LRRC4C: variants seen among roughly 807,000 people sequenced by gnomAD.
LRRC4C encodes the protein leucine rich repeat containing 4C, also known as leucine-rich repeat-containing protein 4C.
A neutral mutation model predicts 33.6 loss-of-function variants in LRRC4C; 5 were observed. The observed-to-expected ratio is 0.15, with a 90% CI of 0.08 to 0.31. LRRC4C has a LOEUF of 0.31. LRRC4C is among the 10% of genes least tolerant of loss of function. The probability of loss-of-function intolerance (pLI) is 1.00; values close to 1 mark genes in which losing one functional copy is unlikely to be tolerated. For missense variants in LRRC4C, 560 were observed against 796.7 expected (o/e 0.70, Z 3.58); for synonymous variants, 329 against 302.0 (o/e 1.09, Z -0.93).
chr11:41,344,976 T>A (rs200853399), intron 1 of LRRC4C, among the ~76,000 whole-genome samples: 1 of 80,708 alleles, frequency 1.2e-5, no homozygotes, highest in Non-Finnish European at 2.9e-5. Flanking sequence ...TTATTAACTG[T>A]TTTTTTTTCC....
At chr11:41,417,858 T>C (rs921998846) in intron 1 of LRRC4C, among the ~76,000 whole-genome samples, 1 of 151,792 alleles carries the variant, frequency 6.6e-6, no homozygotes, top group African/African-American at 2.4e-5. Context: ...TTTCTATTCA[T>C]TGCTGTTGCT....
chr11:40,878,651 C>G (rs1192942625), intron 2 of LRRC4C, among the ~76,000 whole-genome samples: 1 of 152,178 alleles, frequency 6.6e-6, no homozygotes, highest in African/African-American at 2.4e-5. Context: ...ACTGTGCAGC[C>G]TGGTGTTTTG....
At chr11:41,100,300 C>T (rs968809551) in intron 1 of LRRC4C, among the ~76,000 whole-genome samples, 1 of 151,996 alleles carries the variant, frequency 6.6e-6, no homozygotes, top group Non-Finnish European at 1.5e-5. Flanking sequence ...GGTGCGGTGG[C>T]TCACGACTGT....
chr11:40,503,098 G>A (rs1397870076), intron 3 of LRRC4C, among the ~76,000 whole-genome samples: 1 of 152,062 alleles, frequency 6.6e-6, no homozygotes, highest in Non-Finnish European at 1.5e-5. Context: ...GCAGCGCATG[G>A]CTACTATACT....
At chr11:40,874,610 G>A (rs1476003356) in intron 2 of LRRC4C, among the ~76,000 whole-genome samples, 2 of 152,146 alleles carry the variant, frequency 1.3e-5, no homozygotes, top group African/African-American at 2.4e-5. Context: ...CTGCAACTGT[G>A]GAGGAAATAC....
intron 2 of LRRC4C, among the ~76,000 whole-genome samples, chr11:40,926,510 A>T (rs1049090895): frequency 6.6e-6 from 1 of 152,216 alleles, no homozygotes; most frequent in Non-Finnish European, 1.5e-5. Context: ...CTTGATAAAA[A>T]CTTTCTAAAT....
chr11:40,283,603 A>G (rs1447354577), intron 4 of LRRC4C, among the ~76,000 whole-genome samples: 1 of 149,864 alleles, frequency 6.7e-6, no homozygotes, highest in African/African-American at 2.5e-5. Context: ...CCACTCATTT[A>G]TTAGTTCTCC....
At chr11:41,035,447 T>C (rs1857007929) in intron 1 of LRRC4C, among the ~76,000 whole-genome samples, 1 of 152,106 alleles carries the variant, frequency 6.6e-6, no homozygotes, top group South Asian at 2.1e-4. Flanking sequence ...GTTCTCATTG[T>C]TCAACTCCCA....
At chr11:40,886,190 G>T (rs1955444849) in intron 2 of LRRC4C, among the ~76,000 whole-genome samples, 1 of 151,810 alleles carries the variant, frequency 6.6e-6, no homozygotes, top group Non-Finnish European at 1.5e-5. Flanking sequence ...GTCAAATATT[G>T]ATTTTACTTG....
At chr11:40,410,151 T>A in intron 3 of LRRC4C, among the ~76,000 whole-genome samples, 1 of 151,708 alleles carries the variant, frequency 6.6e-6, no homozygotes, top group East Asian at 1.9e-4. Flanking sequence ...AAAAAAAAAA[T>A]TGCTGACCAT....
intron 1 of LRRC4C, among the ~76,000 whole-genome samples, chr11:41,369,583 A>T (rs1487712416): frequency 1.3e-5 from 2 of 152,162 alleles, no homozygotes; most frequent in African/African-American, 4.8e-5. Flanking sequence ...AGATGAGAGC[A>T]TGAGCTGAAG....
chr11:41,136,071 A>G (rs1724363840), intron 1 of LRRC4C, among the ~76,000 whole-genome samples: 1 of 152,142 alleles, frequency 6.6e-6, no homozygotes, highest in Non-Finnish European at 1.5e-5. Flanking sequence ...TCAAAAAAAC[A>G]CTTTCAGAGT....
At chr11:40,692,883 C>T (rs1338464651) in intron 2 of LRRC4C, among the ~76,000 whole-genome samples, 1 of 151,940 alleles carries the variant, frequency 6.6e-6, no homozygotes, top group Non-Finnish European at 1.5e-5. Flanking sequence ...TCTATGAACC[C>T]TACACATAAA....
chr11:40,854,726 T>C (rs977378908), intron 2 of LRRC4C, among the ~76,000 whole-genome samples: 2 of 150,998 alleles, frequency 1.3e-5, no homozygotes, highest in Admixed American at 1.3e-4. Context: ...TATTAATATA[T>C]ATATTTTATG....
rs544714841 is a variant in LRRC4C, at chr11:41,285,903, C to T, written c.-496+173528G>A. On this transcript the variant is annotated intron_variant, in intron 1 of 6. Coordinates refer to ENST00000528697, the MANE Select transcript of LRRC4C (RefSeq NM_001258419.2). ...GGAGCGCAGTGGCATGATCTCGGCT[C>T]ATTGCAACCTCCGCCTCCCAGGTTC... 3.0e-4 allele frequency among the ~76,000 whole-genome samples: 45 copies of T among 152,242 alleles called. No homozygotes were observed. The South Asian group carries it at 9.1e-3, about 31-fold the overall frequency.
chr11:41,196,190 A>G (rs566923513), intron 1 of LRRC4C, among the ~76,000 whole-genome samples: 1 of 152,198 alleles, frequency 6.6e-6, no homozygotes, highest in Admixed American at 6.5e-5. Flanking sequence ...ATCTAAAGAC[A>G]TTCTCCCTCA....
chr11:40,624,129 A>G (rs1008713984), intron 3 of LRRC4C, among the ~76,000 whole-genome samples: 1 of 151,982 alleles, frequency 6.6e-6, no homozygotes, highest in Non-Finnish European at 1.5e-5. Context: ...GTTGGGTGCT[A>G]TTCTGTTTGG....
At chr11:40,587,168 T>C (rs1336817348) in intron 3 of LRRC4C, among the ~76,000 whole-genome samples, 1 of 152,088 alleles carries the variant, frequency 6.6e-6, no homozygotes, top group African/African-American at 2.4e-5. Context: ...TGGATTGTAG[T>C]TCTCCTTGAA....
intron 3 of LRRC4C, among the ~76,000 whole-genome samples, chr11:40,404,615 C>T (rs1160463151): frequency 6.6e-6 from 1 of 151,926 alleles, no homozygotes; most frequent in Non-Finnish European, 1.5e-5. Context: ...TTCTTTTTTG[C>T]AAGAGCCTCC....
Sources: allele counts gnomAD v4.1 joint callset (sites outside exome capture counted in the v4.1 genomes callset), GRCh38; gene constraint gnomAD v4.1.1; transcripts MANE v1.5; gene names NCBI Gene and HGNC (gene_info 2026-07-23, HGNC 2026-07-21).